The following CNST variants were observed in gnomAD, a reference collection of about 807,000 sequenced individuals.
CNST encodes the protein consortin.
In CNST, 39 loss-of-function variants were observed where a neutral mutation model predicts 72.4. The observed-to-expected ratio is 0.54, with a 90% CI of 0.42 to 0.70. CNST has a LOEUF of 0.70. CNST is among the 30% of genes least tolerant of loss of function. The pLI is 0.00. For missense variants in CNST, 871 were observed against 868.5 expected (o/e 1.00, Z -0.04); for synonymous variants, 332 against 320.1 (o/e 1.04, Z -0.40).
chr1:246,654,101 G>A (rs929197222), intron 9 of CNST, among the ~76,000 whole-genome samples: 1 of 152,084 alleles, frequency 6.6e-6, no homozygotes, highest in Admixed American at 6.6e-5. Flanking sequence ...CTCTTTACCT[G>A]CAGGATAAAG....
At chr1:246,661,225 C>T (rs767830927) in intron 10 of CNST, among the ~76,000 whole-genome samples, 1 of 152,166 alleles carries the variant, frequency 6.6e-6, no homozygotes, top group Non-Finnish European at 1.5e-5. Context: ...ATCTGCCTGC[C>T]TTGGCCTCCC....
chr1:246,593,261 C>T (rs10754529), intron 2 of CNST, among the ~76,000 whole-genome samples: 125,834 of 151,948 alleles, frequency 0.83, 53,204 homozygotes, highest in South Asian at 0.93. Context: ...TGGCTTTTCA[C>T]GTCCCTGTAT....
chr1:246,578,541 C>T (rs925350306), intron 1 of CNST, among the ~76,000 whole-genome samples: 4 of 150,938 alleles, frequency 2.7e-5, no homozygotes, highest in African/African-American at 5.0e-5. Flanking sequence ...TGTGGTGGCA[C>T]GTGCCTGTAG....
intron 1 of CNST, among the ~76,000 whole-genome samples, chr1:246,576,212 G>A (rs1383945745): frequency 2.8e-4 from 2 of 7,046 alleles, no homozygotes; most frequent in East Asian, 0.012. Context: ...TCCAGCCTGG[G>A]CGACAGAGCC....
intron 2 of CNST, chr1:246,608,071 C>G (rs1383482149): frequency 1.3e-5 from 2 of 152,072 alleles, no homozygotes; most frequent in Non-Finnish European, 2.9e-5. Context: ...CAGAGCAAGA[C>G]TCCGTCTCAA....
chr1:246,630,581 G>A (rs990626927), intron 3 of CNST, among the ~76,000 whole-genome samples: 2 of 152,178 alleles, frequency 1.3e-5, no homozygotes, highest in African/African-American at 4.8e-5. Context: ...TCCCCTGAGG[G>A]ATTTGGGAAA....
chr1:246,568,923 G>A (rs1209246443), intron 1 of CNST, among the ~76,000 whole-genome samples: 7 of 151,882 alleles, frequency 4.6e-5, no homozygotes, highest in African/African-American at 1.5e-4. Flanking sequence ...TTGTGAAGGC[G>A]GAGTTTTGCT....
intron 9 of CNST, 126 bp downstream of exon 9, chr1:246,648,163 G>A (rs551067349): frequency 1.0e-5 from 15 of 1,438,464 alleles, no homozygotes; most frequent in African/African-American, 7.2e-5. Flanking sequence ...TCTAGTTAAC[G>A]TAAGCTTTTA....
chr1:246,635,885 TATC>T (rs1358792178), intron 6 of CNST, among the ~76,000 whole-genome samples: 1 of 152,190 alleles, frequency 6.6e-6, no homozygotes, highest in Admixed American at 6.5e-5. Context: ...TTTCTCTGGT[TATC>T]ATACGCAGGG....
rs1330498519 is a variant in CNST, at chr1:246,647,860, A to G, written c.1659A>G (p.Glu553=). The change falls in exon 9 of 11, where the codon GAA becomes GAG. Residue 553 remains glutamate (E), a synonymous_variant. Transcript: ENST00000366513. ...AAGACTATTTGAACAGCCTTTTAGA[A>G]GGATGTTTAAAAGATACTGAAGATT... ...ETEDYLNSLL[E]GCLKDTEDSL... 4.3e-6 allele frequency: 7 copies of G among 1,614,204 alleles called. No individual in the cohort carries two copies. The East Asian group carries it at 1.6e-4, about 36-fold the overall frequency.
Position 246,634,011 on chromosome 1 carries a change from G to C in CNST, c.703+1G>C. 1 of 1,593,478 alleles carries C rather than the reference G, an allele frequency of 6.3e-7. No individual in the cohort carries two copies. The highest frequency in any genetic ancestry group is 2.2e-5 in the East Asian group (1 of 44,752). On this transcript the variant is annotated splice_donor_variant, in intron 5 of 10. Transcript: ENST00000366513. LOFTEE classifies it high-confidence loss of function. ...CTTTCTGCCATTCAAGAACAGTGGG[G>C]TAAGTACAGACCAACATGGAATGTG...
chr1:246,652,880 TGTAGTCC>T (rs1245669880), intron 9 of CNST, among the ~76,000 whole-genome samples: 3 of 150,910 alleles, frequency 2.0e-5, no homozygotes, highest in Admixed American at 1.3e-4. Flanking sequence ...GGCGGGCGCC[TGTAGTCC>T]CAGCTACTCG....
At chr1:246,657,667 T>C (rs1192271569) in intron 9 of CNST, among the ~76,000 whole-genome samples, 1 of 152,154 alleles carries the variant, frequency 6.6e-6, no homozygotes, top group Non-Finnish European at 1.5e-5. Flanking sequence ...TTGTATCCCT[T>C]AGTGTTGACT....
At chr1:246,609,947 C>G (rs1383192003) in intron 2 of CNST, among the ~76,000 whole-genome samples, 1 of 152,138 alleles carries the variant, frequency 6.6e-6, no homozygotes, top group Non-Finnish European at 1.5e-5. Flanking sequence ...ATATCTATTT[C>G]TAAAACTTTT....
chr1:246,635,756 G>A lies in CNST; in HGVS notation c.818+1169G>A, dbSNP rs72475071. Among the ~76,000 whole-genome samples, 68 of 152,284 alleles carry A rather than the reference G, an allele frequency of 4.5e-4. No individual in the cohort carries two copies. In the East Asian group the frequency reaches 0.01, roughly 23 times the overall value. On this transcript the variant is annotated intron_variant, in intron 6 of 10. Coordinates refer to ENST00000366513, the MANE Select transcript of CNST (RefSeq NM_152609.3). The stretch of plus-strand genomic sequence containing the variant: ...TTCTATTTAGCATATATGTGGGAGT[G>A]CGATAACCCCGTGAACCATCCTCAG...
At chr1:246,568,808 A>G (rs1659882124) in intron 1 of CNST, among the ~76,000 whole-genome samples, 1 of 152,154 alleles carries the variant, frequency 6.6e-6, no homozygotes, top group Admixed American at 6.5e-5. Flanking sequence ...ACCTCAGGTG[A>G]TCCTCCGACC....
intron 9 of CNST, among the ~76,000 whole-genome samples, chr1:246,658,334 T>C (rs1666880243): frequency 6.6e-6 from 1 of 152,250 alleles, no homozygotes; most frequent in Non-Finnish European, 1.5e-5. Flanking sequence ...GGGAGTTCTT[T>C]AATGACGATG....
At chr1:246,623,607 A>C (rs937927786) in intron 3 of CNST, among the ~76,000 whole-genome samples, 3 of 152,096 alleles carry the variant, frequency 2.0e-5, no homozygotes, top group South Asian at 2.1e-4. Context: ...TACACACACA[A>C]AAAAATTAAC....
chr1:246,575,351 T>C (rs1660337209), intron 1 of CNST, among the ~76,000 whole-genome samples: 1 of 152,084 alleles, frequency 6.6e-6, no homozygotes, highest in Admixed American at 6.6e-5. Context: ...AAATAAAAGG[T>C]GGTATATCTG....
Sources: allele counts gnomAD v4.1 joint callset (sites outside exome capture counted in the v4.1 genomes callset), GRCh38; gene constraint gnomAD v4.1.1; transcripts MANE v1.5; gene names NCBI Gene and HGNC (gene_info 2026-07-23, HGNC 2026-07-21).